Variants in SMG6 observed in about 807,000 individuals in gnomAD.
SMG6 encodes the protein telomerase-binding protein EST1A.
In SMG6, 66 loss-of-function variants were observed where a neutral mutation model predicts 142.2. That is an observed-to-expected ratio of 0.46 (90% CI 0.38 to 0.57). SMG6 has a LOEUF of 0.57. SMG6 is among the 20% of genes least tolerant of loss of function. The pLI is 0.00. For missense variants in SMG6, 1,793 were observed against 1,832.0 expected (o/e 0.98, Z 0.39); for synonymous variants, 779 against 702.4 (o/e 1.11, Z -1.72).
chr17:2,291,851 T>TAAA (rs757731719), intron 6 of SMG6, among the ~76,000 whole-genome samples: 45 of 100,774 alleles, frequency 4.5e-4, no homozygotes, highest in East Asian at 2.0e-3. Flanking sequence ...CCTGCCTCTC[T>TAAA]TAAAAAAAAA....
At chr17:2,075,161 G>C (rs917002696) in intron 15 of SMG6, among the ~76,000 whole-genome samples, 1 of 152,218 alleles carries the variant, frequency 6.6e-6, no homozygotes, top group Non-Finnish European at 1.5e-5. Flanking sequence ...CCTTCCGCCA[G>C]CTTCCATACA....
intron 8 of SMG6, chr17:2,265,942 G>T: frequency 1.0e-6 from 1 of 963,544 alleles, no homozygotes; most frequent in African/African-American, 1.8e-5. Flanking sequence ...CCTAAGAACT[G>T]GTGCATGTGT....
At chr17:2,105,540 T>C (rs1216660402) in intron 13 of SMG6, among the ~76,000 whole-genome samples, 2 of 150,494 alleles carry the variant, frequency 1.3e-5, no homozygotes, top group African/African-American at 2.4e-5. Context: ...CAAAACTCTG[T>C]CTCAAAAATA....
At chr17:2,155,711 A>G (rs941851431) in intron 13 of SMG6, among the ~76,000 whole-genome samples, 4 of 152,218 alleles carry the variant, frequency 2.6e-5, no homozygotes, top group African/African-American at 7.2e-5. Context: ...AGAGGAAGGA[A>G]ATGGTACAGA....
In SMG6 at chr17:2,297,851, A is replaced by AT; in HGVS notation, c.2040+11dup. Reference sequence around the variant, plus strand: ...AAGCCTTTATCCTGAGGACAAAAAGATGACAGTTTACCTCATCCAAGAGCT... The same window carrying AT: ...AAGCCTTTATCCTGAGGACAAAAAGATTGACAGTTTACCTCATCCAAGAGCT... On this transcript the variant is annotated intron_variant, in intron 3 of 18. Transcript: ENST00000263073. 1 of 1,605,702 alleles carries AT rather than the reference A, an allele frequency of 6.2e-7. No homozygotes were observed. The highest frequency in any genetic ancestry group is 1.1e-5 in the South Asian group (1 of 90,422).
chr17:2,138,373 TCAA>T (rs934733264), intron 13 of SMG6, among the ~76,000 whole-genome samples: 8 of 152,140 alleles, frequency 5.3e-5, no homozygotes, highest in African/African-American at 1.7e-4. Flanking sequence ...TGTTTTAAAA[TCAA>T]CAAGTTTGCT....
At chr17:2,118,570 C>T (rs1263086927) in intron 13 of SMG6, among the ~76,000 whole-genome samples, 3 of 151,348 alleles carry the variant, frequency 2.0e-5, no homozygotes, top group Admixed American at 2.0e-4. Context: ...GTCTCATAGA[C>T]CTAAATATAA....
intron 13 of SMG6, among the ~76,000 whole-genome samples, chr17:2,092,279 C>G (rs1698858233): frequency 6.6e-6 from 1 of 152,172 alleles, no homozygotes; most frequent in African/African-American, 2.4e-5. Context: ...CCAGATCCAA[C>G]CCTCCGTAGT....
At chr17:2,072,976 A>AT (rs1445854434) in intron 15 of SMG6, 1 of 152,024 alleles carries the variant, frequency 6.6e-6, no homozygotes, top group African/African-American at 2.4e-5. Flanking sequence ...TCTATTTTTT[A>AT]TTTTCTACAT....
chr17:2,133,836 G>A (rs192910137), intron 13 of SMG6, among the ~76,000 whole-genome samples: 48 of 152,150 alleles, frequency 3.2e-4, no homozygotes, highest in African/African-American at 1.0e-3. Context: ...TAAATATATG[G>A]GGCATACCCT....
chr17:2,197,389 C>CTG (rs1326368168), intron 10 of SMG6, among the ~76,000 whole-genome samples: 1 of 151,418 alleles, frequency 6.6e-6, no homozygotes, highest in East Asian at 1.9e-4. Context: ...CATAGCAAGA[C>CTG]TGTGTCTCTA....
intron 16 of SMG6, chr17:2,066,072 C>G (rs887133969): frequency 1.3e-5 from 3 of 235,092 alleles, no homozygotes; most frequent in African/African-American, 4.4e-5. Flanking sequence ...CCTTCCTTAA[C>G]TCCTTGGGCC....
At chr17:2,256,250 G>A (rs1012154509) in intron 8 of SMG6, 2 of 152,390 alleles carry the variant, frequency 1.3e-5, no homozygotes, top group Admixed American at 6.6e-5. Context: ...AGGGGTGAGG[G>A]GTTGGGTGGA....
In SMG6 at chr17:2,269,455, C is replaced by T. The variant is rs552241861; in HGVS notation, c.2661+13192G>A. Among the ~76,000 whole-genome samples, 339 of 97,130 alleles carry T rather than the reference C, an allele frequency of 3.5e-3. 3 individuals carry two copies. In the South Asian group the frequency reaches 0.035, roughly 10 times the overall value. 63.7% of individuals were successfully genotyped at this position (97,130 alleles called of 152,430 possible). On this transcript the variant is annotated intron_variant, in intron 8 of 18. Transcript: ENST00000263073. Reference sequence around the variant, plus strand: ...CACACTTTCAAAACAAAAAACTATACATTAAAAAAAAAAAAAATAGCCCTC... The same window carrying T: ...CACACTTTCAAAACAAAAAACTATATATTAAAAAAAAAAAAAATAGCCCTC...
chr17:2,265,996 G>A (rs536289379), intron 8 of SMG6: 1 of 985,168 alleles, frequency 1.0e-6, no homozygotes, highest in Admixed American at 6.2e-5. Flanking sequence ...GTGCATTTCA[G>A]GTGCTTTAGG....
At chr17:2,112,878 C>CT (rs2069382355) in intron 13 of SMG6, among the ~76,000 whole-genome samples, 1 of 151,554 alleles carries the variant, frequency 6.6e-6, no homozygotes, top group Non-Finnish European at 1.5e-5. Flanking sequence ...CTGCCTCAGC[C>CT]TCCTGAGTAG....
At chr17:2,297,099 G>A (rs1341615301) in intron 4 of SMG6, 144 bp downstream of exon 4, 3 of 479,340 alleles carry the variant, frequency 6.3e-6, no homozygotes, top group African/African-American at 3.9e-5. Flanking sequence ...CATTACAATT[G>A]TTGGTTTAAT....
intron 8 of SMG6, among the ~76,000 whole-genome samples, chr17:2,279,749 C>T (rs1206325100): frequency 1.3e-5 from 2 of 152,168 alleles, no homozygotes; most frequent in Non-Finnish European, 2.9e-5. Flanking sequence ...AGCACGACTC[C>T]AGTCGCTCAC....
chr17:2,183,433 T>C (rs1030222198), intron 12 of SMG6, among the ~76,000 whole-genome samples: 2 of 152,060 alleles, frequency 1.3e-5, no homozygotes, highest in East Asian at 1.9e-4. Context: ...ACATGGAACA[T>C]GGACAGAGAT....
Sources: gnomAD v4.1 joint callset for allele counts (sites outside exome capture counted in the v4.1 genomes callset) on GRCh38, gnomAD v4.1.1 for gene constraint, MANE v1.5 for transcripts, NCBI Gene and HGNC (gene_info 2026-07-23, HGNC 2026-07-21) for gene names.